DRC1: variants seen among roughly 807,000 people sequenced by gnomAD.
The protein encoded by DRC1 is dynein regulatory complex subunit 1.
DRC1 carries 74 observed loss-of-function variants against 98.7 expected under a neutral mutation model. That is an observed-to-expected ratio of 0.75 (90% CI 0.62 to 0.91). The LOEUF is 0.91. DRC1 is among the 40% of genes least tolerant of loss of function. The probability of loss-of-function intolerance (pLI) is 0.00; values close to 1 mark genes in which losing one functional copy is unlikely to be tolerated. For synonymous variants in DRC1, 336 were observed against 334.1 expected (o/e 1.01, Z -0.06); for missense variants, 875 against 886.0 (o/e 0.99, Z 0.16).
intron 7 of DRC1, 48 bp downstream of exon 7, chr2:26,432,054 G>C: frequency 6.3e-7 from 1 of 1,587,026 alleles, no homozygotes; most frequent in Non-Finnish European, 8.6e-7. Flanking sequence ...GGAGCAGATG[G>C]TGAACACCTG....
chr2:26,431,536 G>A (rs572907117), intron 6 of DRC1, among the ~76,000 whole-genome samples: 6 of 152,116 alleles, frequency 3.9e-5, no homozygotes, highest in Non-Finnish European at 8.8e-5. Context: ...GAACAAATAA[G>A]TGACTTGACC....
chr2:26,446,619 C>T (rs2148002141), intron 10 of DRC1, among the ~76,000 whole-genome samples: 1 of 152,260 alleles, frequency 6.6e-6, no homozygotes, highest in South Asian at 2.1e-4. Flanking sequence ...TCTTAGTGCT[C>T]AGTGACTTCA....
At chr2:26,446,782 CAG>C (rs1454135951) in intron 10 of DRC1, among the ~76,000 whole-genome samples, 2 of 152,074 alleles carry the variant, frequency 1.3e-5, no homozygotes, top group Admixed American at 1.3e-4. Context: ...GATGTACAGA[CAG>C]ATTGCTATAT....
chr2:26,453,422 A>G lies in DRC1; in HGVS notation c.1792A>G (p.Lys598Glu). 6.2e-7 allele frequency: 1 copy of G among 1,614,144 alleles called. No individual in the cohort carries two copies. The highest frequency in any genetic ancestry group is 8.5e-7 in the Non-Finnish European group (1 of 1,180,036). Residue 598 changes from lysine (K) to glutamate (E), a missense_variant, in exon 14 of 17, where the codon AAG (lysine) becomes GAG (glutamate). Coordinates refer to ENST00000288710, the MANE Select transcript of DRC1 (RefSeq NM_145038.5). The stretch of plus-strand genomic sequence containing the variant: ...AGAGCAGACGGAGATGGAGGGAGAA[A>G]AGGAAGAAAGCCTGGTGGAAGGGGA... ...LAEQTEMEGE[K>E]EESLVEGEKE...
rs767284422 is a variant in DRC1 at position 26,413,017 on chromosome 2, C to T, written c.156-1327C>T. Among the ~76,000 whole-genome samples the T allele has an allele frequency of 2.6e-5, 4 of 152,314 alleles. No individual in the cohort carries two copies. In the East Asian group the frequency reaches 7.7e-4, roughly 29 times the overall value. ...CAGGGTAGTCTCGATCTCCTGACCT[C>T]GCGATCCACCCGCCTCGGCCTCCCA... On this transcript the variant is annotated intron_variant, in intron 1 of 16. Transcript: ENST00000288710.
At chr2:26,450,352 G>T (rs1347772631) in intron 12 of DRC1, among the ~76,000 whole-genome samples, 1 of 152,198 alleles carries the variant, frequency 6.6e-6, no homozygotes, top group Non-Finnish European at 1.5e-5. Context: ...CAAATCTGGT[G>T]CAGCCCCACT....
At chr2:26,416,911 C>T (rs138204556) in intron 2 of DRC1, among the ~76,000 whole-genome samples, 2,203 of 152,110 alleles carry the variant, frequency 0.014, 48 homozygotes, top group African/African-American at 0.048. Context: ...TCTGAGGAGG[C>T]CTCAGGAAGC....
chr2:26,439,948 TACACACACACACAC>T (rs201091945), intron 7 of DRC1, among the ~76,000 whole-genome samples: 507 of 124,358 alleles, frequency 4.1e-3, no homozygotes, highest in Non-Finnish European at 5.7e-3. Flanking sequence ...CACACACACA[TACACACACACACAC>T]ATATATATAT....
chr2:26,425,660 G>A (rs868441486), intron 4 of DRC1, among the ~76,000 whole-genome samples: 5 of 152,060 alleles, frequency 3.3e-5, no homozygotes, highest in African/African-American at 1.2e-4. Flanking sequence ...TTGCATTTCC[G>A]TAACGATTAG....
At chr2:26,455,917 G>A (rs1023637893) in intron 16 of DRC1, among the ~76,000 whole-genome samples, 3 of 122,562 alleles carry the variant, frequency 2.4e-5, no homozygotes, top group South Asian at 6.3e-4. Context: ...CAGGAAGGTC[G>A]TGACGCAGCT....
chr2:26,454,695 C>G lies in DRC1; in HGVS notation c.1968C>G (p.Ser656=). Residue 656 remains serine, a synonymous_variant, in exon 15 of 17, where the codon TCC becomes TCG. Transcript: ENST00000288710. The surrounding 1 kb of genome is among the most constrained non-coding windows in gnomAD (Gnocchi z 5.2). ...TACAGAAGAATGTGCGTGACAACTC[C>G]AAGGACTCGGAGTACTGGCAGGCCC... ...LRVQKNVRDN[S]KDSEYWQALT... 1 of 1,614,158 alleles carries G rather than the reference C, an allele frequency of 6.2e-7. No individual in the cohort carries two copies.
intron 3 of DRC1, 27 bp downstream of exon 3, chr2:26,421,427 G>T: frequency 6.3e-7 from 1 of 1,599,854 alleles, no homozygotes; most frequent in Non-Finnish European, 8.6e-7. Flanking sequence ...TCTGCAGCTG[G>T]TGGACATGAA....
intron 8 of DRC1, among the ~76,000 whole-genome samples, chr2:26,443,498 G>A (rs552443527): frequency 4.5e-4 from 69 of 152,290 alleles, no homozygotes; most frequent in Middle Eastern, 6.8e-3. Flanking sequence ...TAAGTTAGAT[G>A]CCTCACCTCT....
rs759261200 is a variant in DRC1, at chr2:26,453,490, C to G, written c.1860C>G (p.Ile620Met). The change falls in exon 14 of 17, where the codon ATC becomes ATG. Residue 620 changes from isoleucine to methionine, a missense_variant. Ile to Met is a conservative substitution (Grantham distance 10, BLOSUM62 1). Coordinates refer to ENST00000288710, the MANE Select transcript of DRC1 (RefSeq NM_145038.5). ...EEETPPSPWVIHPNDVLKILE... is the reference protein window; with the variant it reads ...EEETPPSPWVMHPNDVLKILE... ...AGACCCCACCCTCCCCCTGGGTCAT[C>G]CACCCCAATGATGTCCTCAAGATTC... The G allele has an allele frequency of 1.2e-6, 2 of 1,614,154 alleles. No individual in the cohort carries two copies. Among genetic ancestry groups the G allele is most frequent in the Non-Finnish European group, 1.7e-6 (2 of 1,180,040 alleles).
intron 2 of DRC1, 95 bp downstream of exon 2, chr2:26,414,526 A>G: frequency 2.5e-6 from 3 of 1,183,536 alleles, no homozygotes; most frequent in South Asian, 2.7e-5. Context: ...CATGTGGTCC[A>G]TGTTGCTGTC....
intron 7 of DRC1, 85 bp downstream of exon 7, chr2:26,432,091 T>G: frequency 1.3e-6 from 2 of 1,519,262 alleles, no homozygotes; most frequent in Non-Finnish European, 1.8e-6. Flanking sequence ...AGCAACTACC[T>G]GTGATATTCT....
At position 26,431,975 on chromosome 2, in the gene DRC1, T is replaced by C; in HGVS notation, c.857T>C (p.Met286Thr). 1.9e-6 allele frequency: 3 copies of C among 1,614,174 alleles called. No individual in the cohort carries two copies. The highest frequency in any genetic ancestry group is 1.3e-5 in the African/African-American group (1 of 75,064). ...QRIWDCEEYN[M>T]IKIKLEQDVQ... ...ATCTGGGATTGCGAAGAATACAACA[T>C]GATCAAGATCAAGCTGGAGCAGGAT... is the stretch of plus-strand genomic sequence containing the variant. The change falls in exon 7 of 17, where the codon ATG (methionine) becomes ACG (threonine). Residue 286 changes from methionine to threonine, a missense_variant. Coordinates refer to ENST00000288710, the MANE Select transcript of DRC1 (RefSeq NM_145038.5).
At chr2:26,455,288 G>A in intron 16 of DRC1, 55 bp downstream of exon 16, 1 of 1,546,180 alleles carries the variant, frequency 6.5e-7, no homozygotes, top group Non-Finnish European at 8.9e-7. Flanking sequence ...TGGGGCAGGG[G>A]CACTGGAGCT....
At chr2:26,430,325 A>G (rs1405616157) in intron 5 of DRC1, among the ~76,000 whole-genome samples, 1 of 152,112 alleles carries the variant, frequency 6.6e-6, no homozygotes, top group Non-Finnish European at 1.5e-5. Context: ...AGAGCCAAGA[A>G]GGTGGAGGCC....
Sources: gnomAD v4.1 joint callset for allele counts (sites outside exome capture counted in the v4.1 genomes callset) on GRCh38, gnomAD v4.1.1 for gene constraint, Gnocchi (gnomAD v3.1) non-coding constraint, MANE v1.5 for transcripts, NCBI Gene and HGNC (gene_info 2026-07-23, HGNC 2026-07-21) for gene names.